The following ARHGAP42 variants were observed in gnomAD, a reference collection of about 807,000 sequenced individuals.
ARHGAP42 encodes rho GTPase-activating protein 42.
Under a neutral mutation model 125.0 loss-of-function variants are expected in ARHGAP42, and 63 were observed. The observed-to-expected ratio is 0.50, with a 90% CI of 0.41 to 0.62. The LOEUF is 0.62. Ranked by LOEUF, ARHGAP42 falls within the 20% of genes least tolerant of loss-of-function variation. The pLI is 0.00. For synonymous variants in ARHGAP42, 339 were observed against 351.0 expected, an observed-to-expected ratio of 0.97 and a Z score of 0.38; for missense variants, 766 against 1,024.2, an observed-to-expected ratio of 0.75 and a Z score of 3.44.
chr11:100,787,738 G>T (rs548703944), intron 2 of ARHGAP42, among the ~76,000 whole-genome samples: 1 of 152,298 alleles, frequency 6.6e-6, no homozygotes, highest in South Asian at 2.1e-4. Flanking sequence ...GAATTTAAAA[G>T]GAGGCTAGAC....
chr11:100,722,859 T>C (rs912878545), intron 1 of ARHGAP42, among the ~76,000 whole-genome samples: 1 of 152,206 alleles, frequency 6.6e-6, no homozygotes, highest in Admixed American at 6.5e-5. Flanking sequence ...TATCTAACTT[T>C]GGGTTTGCCA....
intron 4 of ARHGAP42, among the ~76,000 whole-genome samples, chr11:100,906,382 T>A (rs1175948323): frequency 1.3e-5 from 2 of 152,246 alleles, no homozygotes; most frequent in East Asian, 3.8e-4. Context: ...GATTTTGGTT[T>A]ATTGCTTCTT....
At chr11:100,821,752 G>A (rs963922492) in intron 3 of ARHGAP42, among the ~76,000 whole-genome samples, 4 of 151,960 alleles carry the variant, frequency 2.6e-5, no homozygotes, top group Non-Finnish European at 4.4e-5. Context: ...CGTATACTGT[G>A]TTTATATTTC....
At chr11:100,888,236 TAAAAA>T (rs11455622) in intron 4 of ARHGAP42, among the ~76,000 whole-genome samples, 1 of 147,904 alleles carries the variant, frequency 6.8e-6, no homozygotes, top group Non-Finnish European at 1.5e-5. Flanking sequence ...CCTTTCCTTT[TAAAAA>T]AAAAAAGCTT....
intron 1 of ARHGAP42, among the ~76,000 whole-genome samples, chr11:100,754,969 C>T (rs936222749): frequency 6.6e-6 from 1 of 152,196 alleles, no homozygotes; most frequent in African/African-American, 2.4e-5. Context: ...ACTCTGGATG[C>T]TTTTGGTCTC....
At position 100,992,438 on chromosome 11, in the gene ARHGAP42, T is replaced by A; in HGVS notation, c.*3637T>A. ...TAAAGGTTTCCCCTTAGGGTACACA[T>A]TGCTATTTAACTTTGCCTCCTACCC... On this transcript the variant is annotated 3_prime_UTR_variant, in exon 24 of 24. Coordinates refer to ENST00000298815, the MANE Select transcript of ARHGAP42 (RefSeq NM_152432.4). 1 of 1,614,136 alleles carries A rather than the reference T, an allele frequency of 6.2e-7. No individual in the cohort carries two copies.
chr11:100,794,075 C>CAAAAAAAAAAAAAAAAAAAAAAAAA (rs869272420), intron 2 of ARHGAP42, among the ~76,000 whole-genome samples: 3 of 44,844 alleles, frequency 6.7e-5, no homozygotes, highest in African/African-American at 2.1e-4. Flanking sequence ...GACCCTGTCT[C>CAAAAAAAAAAAAAAAAAAAAAAAAA]AAAAAAAAAA....
chr11:100,897,719 A>T (rs1591277139), intron 4 of ARHGAP42, among the ~76,000 whole-genome samples: 1 of 152,316 alleles, frequency 6.6e-6, no homozygotes, highest in East Asian at 1.9e-4. Flanking sequence ...GAAGTTGCTT[A>T]TCAGCTTAAG....
chr11:100,906,397 G>A (rs1410755769), intron 4 of ARHGAP42, among the ~76,000 whole-genome samples: 2 of 152,058 alleles, frequency 1.3e-5, no homozygotes, highest in African/African-American at 4.8e-5. Flanking sequence ...CTTCTTTTAC[G>A]CTGTTGAAGA....
At chr11:100,825,795 T>G (rs189330349) in intron 3 of ARHGAP42, among the ~76,000 whole-genome samples, 2 of 152,326 alleles carry the variant, frequency 1.3e-5, no homozygotes, top group African/African-American at 4.8e-5. Flanking sequence ...GTACCCACAT[T>G]CAGTGTGCAT....
chr11:100,697,429 G>T (rs978926622), intron 1 of ARHGAP42, among the ~76,000 whole-genome samples: 2 of 152,098 alleles, frequency 1.3e-5, no homozygotes, highest in Non-Finnish European at 2.9e-5. Flanking sequence ...TGATCCGCCC[G>T]CCTCGGCCTC....
At chr11:100,910,027 A>G (rs1006071579) in intron 4 of ARHGAP42, among the ~76,000 whole-genome samples, 1 of 152,156 alleles carries the variant, frequency 6.6e-6, no homozygotes, top group Non-Finnish European at 1.5e-5. Context: ...GACCATGGTT[A>G]TTGTTGGTAA....
chr11:100,971,477 A>G (rs1858246301), intron 17 of ARHGAP42, among the ~76,000 whole-genome samples: 1 of 152,214 alleles, frequency 6.6e-6, no homozygotes, highest in Non-Finnish European at 1.5e-5. Flanking sequence ...TGGGGAAATA[A>G]GTAGTAGAAC....
intron 4 of ARHGAP42, among the ~76,000 whole-genome samples, chr11:100,877,106 A>T (rs1865839189): frequency 6.6e-6 from 1 of 151,716 alleles, no homozygotes; most frequent in Admixed American, 6.6e-5. Flanking sequence ...TCATTGTGAG[A>T]TGTATTGTCT....
At chr11:100,825,902 G>C (rs1450922468) in intron 3 of ARHGAP42, among the ~76,000 whole-genome samples, 1 of 152,132 alleles carries the variant, frequency 6.6e-6, no homozygotes, top group Non-Finnish European at 1.5e-5. Flanking sequence ...AGAAAGCTCT[G>C]TACATAATGG....
chr11:100,795,028 G>C (rs929179974), intron 2 of ARHGAP42, 77 bp from the exon 3 acceptor site: 2 of 1,117,536 alleles, frequency 1.8e-6, no homozygotes, highest in Admixed American at 5.1e-5. Context: ...CAGCTTTCTT[G>C]TAATGTTTCT....
chr11:100,972,975 T>A (rs570257637), intron 17 of ARHGAP42, among the ~76,000 whole-genome samples, 200 bp from the exon 18 acceptor site: 14 of 152,180 alleles, frequency 9.2e-5, no homozygotes, highest in Non-Finnish European at 1.6e-4. Flanking sequence ...TGCCTGTAAT[T>A]ATGTTTTACG....
intron 1 of ARHGAP42, among the ~76,000 whole-genome samples, chr11:100,745,082 G>A (rs972818893): frequency 6.6e-6 from 1 of 152,126 alleles, no homozygotes; most frequent in Admixed American, 6.6e-5. Flanking sequence ...GCAAGAAATC[G>A]GAATGAGTCA....
intron 6 of ARHGAP42, among the ~76,000 whole-genome samples, chr11:100,928,335 C>T (rs1487979080): frequency 6.6e-6 from 1 of 152,086 alleles, no homozygotes; most frequent in Non-Finnish European, 1.5e-5. Context: ...GTTGCTCACA[C>T]CTGTAATCCC....
Sources: allele counts gnomAD v4.1 joint callset (sites outside exome capture counted in the v4.1 genomes callset), GRCh38; gene constraint gnomAD v4.1.1; transcripts MANE v1.5; gene names NCBI Gene and HGNC (gene_info 2026-07-23, HGNC 2026-07-21).